The following AJAP1 variants were observed in gnomAD, a reference collection of about 807,000 sequenced individuals.
AJAP1 encodes the protein adherens junction-associated protein 1.
A neutral mutation model predicts 35.0 loss-of-function variants in AJAP1; 5 were observed. The ratio of observed to expected loss-of-function variants is 0.14; its 90% CI spans 0.07 to 0.30. AJAP1 has a LOEUF of 0.30. Among genes scored for constraint, AJAP1 ranks in the 10% least tolerant of loss-of-function variants. The pLI is 1.00. For missense variants in AJAP1, 586 were observed against 571.0 expected, an observed-to-expected ratio of 1.03 and a Z score of -0.27; for synonymous variants, 284 against 249.3, an observed-to-expected ratio of 1.14 and a Z score of -1.31.
intron 5 of AJAP1, among the ~76,000 whole-genome samples, chr1:4,778,686 G>A (rs1570234014): frequency 6.6e-6 from 1 of 151,660 alleles, no homozygotes; most frequent in East Asian, 1.9e-4. Context: ...AGAGATGCCT[G>A]TAGTCTTGGA....
At chr1:4,758,089 CAT>C (rs751707740) in intron 2 of AJAP1, among the ~76,000 whole-genome samples, 107 of 152,266 alleles carry the variant, frequency 7.0e-4, no homozygotes, top group Non-Finnish European at 1.1e-3. Context: ...TGAAGAAGGA[CAT>C]GTTTGCCTCC....
intron 3 of AJAP1, among the ~76,000 whole-genome samples, chr1:4,770,757 G>A (rs974885180): frequency 6.6e-6 from 1 of 152,210 alleles, no homozygotes. Context: ...ACACAAGAAA[G>A]AGAGAGAAAA....
chr1:4,676,458 C>T (rs1212440734), intron 1 of AJAP1, among the ~76,000 whole-genome samples: 4 of 152,136 alleles, frequency 2.6e-5, no homozygotes, highest in Admixed American at 1.3e-4. Flanking sequence ...CCCTAGCTCT[C>T]GTCGTCCTGG....
intron 1 of AJAP1, among the ~76,000 whole-genome samples, chr1:4,667,086 G>C (rs778704536): frequency 2.2e-4 from 34 of 152,086 alleles, no homozygotes; most frequent in Non-Finnish European, 4.1e-4. Flanking sequence ...GAGAGCCCTG[G>C]GGTAAGCAGA....
At chr1:4,769,705 A>G (rs1468783564) in intron 2 of AJAP1, 148 bp from the exon 3 acceptor site, 1 of 717,120 alleles carries the variant, frequency 1.4e-6, no homozygotes, top group South Asian at 1.6e-5. Context: ...AGAACTGAGC[A>G]CCTGTCATGC....
chr1:4,782,489 T>G lies in AJAP1; in HGVS notation c.*60-56T>G. 1 of 323,384 alleles carries G rather than the reference T, an allele frequency of 3.1e-6. No homozygotes were observed. The highest frequency in any genetic ancestry group is 5.6e-6 in the Non-Finnish European group (1 of 178,830). The allele number at this position is 323,384 out of a possible 1,614,324, so 20.0% of individuals were successfully genotyped here. On this transcript the variant is annotated intron_variant, in intron 5 of 5. Transcript: ENST00000378191. The surrounding 1 kb of genome is among the most constrained non-coding windows in gnomAD (Gnocchi z 5.3). ...CCAGTCGACCGAGAACCCCACAGAC[T>G]TGTCGCGCCCTCGGCGTGCTGCCAT... is the stretch of plus-strand genomic sequence containing the variant.
At chr1:4,685,216 G>A (rs1036325418) in intron 1 of AJAP1, among the ~76,000 whole-genome samples, 2 of 152,050 alleles carry the variant, frequency 1.3e-5, no homozygotes, top group South Asian at 2.1e-4. Flanking sequence ...CATAAATCAC[G>A]GAAAACAAGG....
chr1:4,708,430 G>A (rs1640150079), intron 1 of AJAP1, among the ~76,000 whole-genome samples: 1 of 152,180 alleles, frequency 6.6e-6, no homozygotes, highest in Non-Finnish European at 1.5e-5. Context: ...CCATCTTGGT[G>A]CATGTCTGAC....
chr1:4,711,862 T>C (rs899751777), intron 1 of AJAP1, 38 bp from the exon 2 acceptor site: 3 of 1,426,370 alleles, frequency 2.1e-6, no homozygotes, highest in Non-Finnish European at 2.8e-6. Flanking sequence ...CTCCTGGGCT[T>C]CCACTGACCG....
chr1:4,765,678 G>A (rs1385181054), intron 2 of AJAP1, among the ~76,000 whole-genome samples: 2 of 152,224 alleles, frequency 1.3e-5, no homozygotes, highest in Non-Finnish European at 2.9e-5. Flanking sequence ...TGGAGAAAAT[G>A]GAGATAGACA....
intron 1 of AJAP1, among the ~76,000 whole-genome samples, chr1:4,689,037 G>T (rs1211891358): frequency 6.6e-6 from 1 of 152,030 alleles, no homozygotes; most frequent in Non-Finnish European, 1.5e-5. Context: ...AAGAGTCTGA[G>T]ACCCCGCCTG....
chr1:4,704,235 C>T (rs895458856), intron 1 of AJAP1, among the ~76,000 whole-genome samples: 1 of 150,732 alleles, frequency 6.6e-6, no homozygotes, highest in Non-Finnish European at 1.5e-5. Context: ...TATACATGTG[C>T]CATGCTGGTG....
intron 2 of AJAP1, among the ~76,000 whole-genome samples, chr1:4,765,019 C>T (rs1051580174): frequency 5.9e-5 from 9 of 152,212 alleles, no homozygotes; most frequent in Non-Finnish European, 1.3e-4. Context: ...CATCTGTCCC[C>T]ATCCATTATT....
chr1:4,729,626 G>A (rs575422782), intron 2 of AJAP1, among the ~76,000 whole-genome samples: 9 of 60,562 alleles, frequency 1.5e-4, no homozygotes, highest in East Asian at 1.5e-3. Flanking sequence ...TCCTCTGTGC[G>A]TGTCTGTGTC....
chr1:4,716,562 G>A (rs1640394592), intron 2 of AJAP1, among the ~76,000 whole-genome samples: 1 of 151,966 alleles, frequency 6.6e-6, no homozygotes, highest in South Asian at 2.1e-4. Flanking sequence ...TGATGAGGAT[G>A]ATGATGATGG....
At position 4,777,334 on chromosome 1, in the gene AJAP1, CTT is replaced by C. The variant is rs1641959416; in HGVS notation, c.*59+2778_*59+2779del. 2.6e-5 allele frequency: 4 copies of C among 152,356 alleles called. No individual in the cohort carries two copies. The South Asian group carries it at 8.3e-4, about 32-fold the overall frequency. The allele number at this position is 152,356 out of a possible 1,614,324, so 9.4% of individuals were successfully genotyped here. A position where few individuals can be genotyped will look rare whatever the true frequency, so the allele number is the denominator to read the frequency against. On this transcript the variant is annotated intron_variant, in intron 5 of 5. Coordinates refer to ENST00000378191, the MANE Select transcript of AJAP1 (RefSeq NM_018836.4). ...CAGCCGTTTGTTACCACACCATTGTCTTTCTTCTCAGTCTAATCCGTGTGCAC... is the reference window on the plus strand; with the variant it reads ...CAGCCGTTTGTTACCACACCATTGTCTCTTCTCAGTCTAATCCGTGTGCAC...
In AJAP1 at chr1:4,712,050, G is replaced by T; in HGVS notation, c.180G>T (p.Pro60=). Residue 60 remains proline, a synonymous_variant, in exon 2 of 6, where the codon CCG becomes CCT. Transcript: ENST00000378191. ...TCCTGCCGCGGTCGCCGCCCCGGCC[G>T]CCCCGGCTGTGGAGTTTTAGGAGTG... ...FWLLPRSPPR[P]PRLWSFRSGQ... 1 of 1,586,570 alleles carries T rather than the reference G, an allele frequency of 6.3e-7. No homozygotes were observed. Among genetic ancestry groups the T allele is most frequent in the Non-Finnish European group, 8.5e-7 (1 of 1,170,506 alleles).
chr1:4,673,193 A>G (rs1009045747), intron 1 of AJAP1, among the ~76,000 whole-genome samples: 1 of 152,182 alleles, frequency 6.6e-6, no homozygotes, highest in African/African-American at 2.4e-5. Context: ...CTTCTCACCA[A>G]TGGAACTGTG....
In AJAP1 at chr1:4,764,727, A is replaced by G. The variant is rs148819933; in HGVS notation, c.830-5126A>G. 2.7e-4 allele frequency among the ~76,000 whole-genome samples: 41 copies of G among 152,326 alleles called. No homozygotes were observed. In the East Asian group the frequency reaches 7.9e-3, roughly 29 times the overall value. The stretch of plus-strand genomic sequence containing the variant: ...TGAAATCAGCTGTGATACGCACAGC[A>G]ATGTCATCTGTTTGCCTTGGCCAAT... On this transcript the variant is annotated intron_variant, in intron 2 of 5. Coordinates refer to ENST00000378191, the MANE Select transcript of AJAP1 (RefSeq NM_018836.4).
Sources: gnomAD v4.1 joint callset for allele counts (sites outside exome capture counted in the v4.1 genomes callset) on GRCh38, gnomAD v4.1.1 for gene constraint, Gnocchi (gnomAD v3.1) non-coding constraint, MANE v1.5 for transcripts, NCBI Gene and HGNC (gene_info 2026-07-23, HGNC 2026-07-21) for gene names.